The following NBPF3 variants were observed in gnomAD, a reference collection of about 807,000 sequenced individuals.
The protein encoded by NBPF3 is NBPF member 3.
A neutral mutation model predicts 78.1 loss-of-function variants in NBPF3; 57 were observed. That is an observed-to-expected ratio of 0.73 (90% CI 0.59 to 0.91). The LOEUF (loss-of-function observed/expected upper bound fraction) is 0.91. Ranked by LOEUF, NBPF3 falls within the 40% of genes least tolerant of loss-of-function variation. NBPF3 has a pLI of 0.00. For synonymous variants in NBPF3, 182 were observed against 271.7 expected, an observed-to-expected ratio of 0.67 and a Z score of 3.25; for missense variants, 510 against 715.3, an observed-to-expected ratio of 0.71 and a Z score of 3.27.
intron 2 of NBPF3, among the ~76,000 whole-genome samples, chr1:21,447,378 T>C (rs963759814): frequency 6.6e-6 from 1 of 152,198 alleles, no homozygotes; most frequent in African/African-American, 2.4e-5. Flanking sequence ...GCGAAATAGT[T>C]TCACTGCTGA....
At chr1:21,468,354 G>A in intron 2 of NBPF3, 1 of 1,233,472 alleles carries the variant, frequency 8.1e-7, no homozygotes, top group Non-Finnish European at 1.0e-6. Context: ...GGGTGCCTGT[G>A]TTTCAGCAAA....
In NBPF3 at chr1:21,483,172, A is replaced by G. The variant is rs751946567; in HGVS notation, c.1688A>G (p.Glu563Gly). The change falls in exon 15 of 15, where the codon GAG becomes GGG. Residue 563 changes from glutamate to glycine, a missense_variant. Physicochemically the swap from Glu to Gly is moderately conservative, Grantham distance 98. This residue lies in a region of NBPF3 where 25 missense variants were observed against 27.3 expected (regional missense o/e 0.92). Transcript: ENST00000318249. ...AACGAGGTGCTGATGGAAGCAGAAG[A>G]GCCTGAAGTCTTGCAGGACTCACTG... ...RLNEVLMEAE[E>G]PEVLQDSLDR... The G allele has an allele frequency of 6.2e-7, 1 of 1,609,092 alleles. No homozygotes were observed. The highest frequency in any genetic ancestry group is 8.5e-7 in the Non-Finnish European group (1 of 1,178,680).
At chr1:21,483,081 G>A in intron 14 of NBPF3, 62 bp from the exon 15 acceptor site, 2 of 1,608,794 alleles carry the variant, frequency 1.2e-6, no homozygotes, top group Admixed American at 1.7e-5. Context: ...CTGAAATCTA[G>A]TTGGGGCTCT....
chr1:21,450,053 A>G (rs1252114318), intron 2 of NBPF3, among the ~76,000 whole-genome samples: 3 of 152,204 alleles, frequency 2.0e-5, no homozygotes, highest in Non-Finnish European at 4.4e-5. Flanking sequence ...CAATTATCAC[A>G]TTACCACAAA....
rs545234172 is a variant in NBPF3 at position 21,457,659 on chromosome 1, G to A, written c.134-11029G>A. Among the ~76,000 whole-genome samples, 6 of 152,268 alleles carry A rather than the reference G, an allele frequency of 3.9e-5. No individual in the cohort carries two copies. In the South Asian group the frequency reaches 8.3e-4, roughly 21 times the overall value. On this transcript the variant is annotated intron_variant, in intron 2 of 14. Transcript: ENST00000318249. ...TGTTGGTGAGGATATAAAGCACTTG[G>A]AAGTCTTATACTTGGAATGAAAAAT...
Position 21,483,140 on chromosome 1 carries a change from C to A in NBPF3, c.1659-3C>A, listed in dbSNP as rs200927980. On this transcript the variant is annotated splice_region_variant and splice_polypyrimidine_tract_variant and intron_variant, in intron 14 of 14. Transcript: ENST00000318249. The stretch of plus-strand genomic sequence containing the variant: ...GCTTCTTTAGTTTTGTCTCCTTTTC[C>A]AGGCTCAACGAGGTGCTGATGGAAG... The A allele has an allele frequency of 5.6e-6, 9 of 1,611,846 alleles. No individual in the cohort carries two copies. The South Asian group carries it at 9.9e-5, about 18-fold the overall frequency.
intron 1 of NBPF3, chr1:21,442,486 G>A (rs1640713700): frequency 6.6e-6 from 1 of 152,144 alleles, no homozygotes. Flanking sequence ...AAAGGATTGG[G>A]ATTACAGGCA....
intron 2 of NBPF3, 178 bp from the exon 3 acceptor site, chr1:21,468,509 GC>G: frequency 6.8e-7 from 1 of 1,471,058 alleles, no homozygotes; most frequent in Non-Finnish European, 9.0e-7. Flanking sequence ...TCAGCTCTGA[GC>G]TCAGGCACCT....
At chr1:21,471,472 C>T (rs1227444296) in intron 4 of NBPF3, 97 bp from the exon 5 acceptor site, 20 of 1,585,000 alleles carry the variant, frequency 1.3e-5, no homozygotes, top group Non-Finnish European at 1.6e-5. Context: ...TTGGAGGTCT[C>T]CTTGAGGACA....
chr1:21,442,374 C>G (rs940352311), intron 1 of NBPF3: 1 of 152,160 alleles, frequency 6.6e-6, no homozygotes, highest in Non-Finnish European at 1.5e-5. Context: ...TACCACCACA[C>G]TCAGCTGTTT....
chr1:21,457,905 C>T (rs1641722423), intron 2 of NBPF3, among the ~76,000 whole-genome samples: 1 of 152,156 alleles, frequency 6.6e-6, no homozygotes, highest in African/African-American at 2.4e-5. Flanking sequence ...CAACTGATTA[C>T]AGGGAAAAGG....
intron 5 of NBPF3, among the ~76,000 whole-genome samples, chr1:21,472,186 A>AT (rs1196747465): frequency 2.6e-5 from 4 of 152,082 alleles, no homozygotes; most frequent in Non-Finnish European, 4.4e-5. Flanking sequence ...ATCCTTCCTG[A>AT]GTTTCTCTGT....
chr1:21,472,948 T>A, intron 6 of NBPF3, 33 bp downstream of exon 6: 1 of 1,494,688 alleles, frequency 6.7e-7, no homozygotes, highest in Non-Finnish European at 9.3e-7. Flanking sequence ...AAGTAATGGG[T>A]GGTAACATAT....
chr1:21,457,383 T>C (rs1257174442), intron 2 of NBPF3, among the ~76,000 whole-genome samples: 1 of 149,886 alleles, frequency 6.7e-6, no homozygotes, highest in African/African-American at 2.4e-5. Flanking sequence ...TATATGTATG[T>C]ATATATATGT....
At chr1:21,463,661 G>A (rs1464742226) in intron 2 of NBPF3, among the ~76,000 whole-genome samples, 1 of 152,164 alleles carries the variant, frequency 6.6e-6, no homozygotes, top group Non-Finnish European at 1.5e-5. Context: ...TCAAGGAAGT[G>A]AAAAGATAAT....
intron 2 of NBPF3, among the ~76,000 whole-genome samples, chr1:21,449,303 G>C (rs1372469980): frequency 6.9e-6 from 1 of 145,892 alleles, no homozygotes; most frequent in Admixed American, 6.7e-5. Flanking sequence ...CTTGTTTATG[G>C]CTCTCCTTGA....
intron 2 of NBPF3, chr1:21,453,526 C>T (rs1323694170): frequency 6.6e-6 from 1 of 152,222 alleles, no homozygotes; most frequent in Non-Finnish European, 1.5e-5. Flanking sequence ...ATTTGCCCTC[C>T]CCGCTGTCAG....
At position 21,445,230 on chromosome 1, in the gene NBPF3, C is replaced by T. The variant is rs201496124; in HGVS notation, c.133+11C>T. ...TGCGAGATCCAACAGGTAAAAATCC[C>T]GAGGCATTGCCAGCTCGGTGGGGTC... On this transcript the variant is annotated intron_variant, in intron 2 of 14. Transcript: ENST00000318249. 9.9e-4 allele frequency: 1,599 copies of T among 1,610,456 alleles called. No homozygotes were observed. Among genetic ancestry groups the T allele is most frequent in the Non-Finnish European group, 1.2e-3 (1,397 of 1,178,716 alleles).
intron 8 of NBPF3, among the ~76,000 whole-genome samples, chr1:21,477,175 G>A (rs186128541): frequency 2.6e-5 from 4 of 152,058 alleles, no homozygotes; most frequent in Non-Finnish European, 4.4e-5. Flanking sequence ...TTAGCCATTC[G>A]TCCAATCTTT....
Sources: allele counts gnomAD v4.1 joint callset (sites outside exome capture counted in the v4.1 genomes callset), GRCh38; gene constraint gnomAD v4.1.1; regional missense constraint gnomAD v4.1.1; transcripts MANE v1.5; gene names NCBI Gene and HGNC (gene_info 2026-07-23, HGNC 2026-07-21).